The following CHCHD6 variants were observed in gnomAD, a reference collection of about 807,000 sequenced individuals.
CHCHD6 encodes MICOS complex subunit MIC25.
CHCHD6 carries 28 observed loss-of-function variants against 32.3 expected under a neutral mutation model. The ratio of observed to expected loss-of-function variants is 0.87; its 90% CI spans 0.64 to 1.19. CHCHD6 has a LOEUF of 1.19. Ranked by LOEUF, CHCHD6 falls within the 50% of genes most tolerant of loss-of-function variation. The pLI is 0.00. For synonymous variants in CHCHD6, 122 were observed against 117.5 expected (o/e 1.04, Z -0.25); for missense variants, 333 against 307.0 (o/e 1.08, Z -0.63).
At chr3:126,851,944 T>A (rs1435918491) in intron 4 of CHCHD6, among the ~76,000 whole-genome samples, 1 of 152,220 alleles carries the variant, frequency 6.6e-6, no homozygotes, top group Non-Finnish European at 1.5e-5. Flanking sequence ...CAGCCTCAGG[T>A]TGCTTGCCCT....
At chr3:126,789,425 T>G (rs1324310981) in intron 4 of CHCHD6, among the ~76,000 whole-genome samples, 1 of 152,190 alleles carries the variant, frequency 6.6e-6, no homozygotes, top group Non-Finnish European at 1.5e-5. Flanking sequence ...AGTGGGGTGT[T>G]AAAGTCTCCC....
At chr3:126,797,880 G>A (rs1438235726) in intron 4 of CHCHD6, among the ~76,000 whole-genome samples, 1 of 152,122 alleles carries the variant, frequency 6.6e-6, no homozygotes, top group South Asian at 2.1e-4. Flanking sequence ...TGAAAAGGAA[G>A]AAGAAGAGTA....
At chr3:126,956,263 C>T (rs553226492) in intron 6 of CHCHD6, among the ~76,000 whole-genome samples, 1 of 152,262 alleles carries the variant, frequency 6.6e-6, no homozygotes, top group East Asian at 1.9e-4. Flanking sequence ...TGCCCTCAGC[C>T]GTGAGTGGTG....
chr3:126,861,929 C>T (rs1311786651), intron 5 of CHCHD6, among the ~76,000 whole-genome samples: 4 of 87,220 alleles, frequency 4.6e-5, no homozygotes, highest in African/African-American at 1.8e-4. Flanking sequence ...CCCTTCACTA[C>T]CAGCACCACC....
intron 4 of CHCHD6, among the ~76,000 whole-genome samples, chr3:126,788,310 G>T (rs1463461789): frequency 6.6e-6 from 1 of 152,134 alleles, no homozygotes; most frequent in African/African-American, 2.4e-5. Flanking sequence ...TCTCTGCCAG[G>T]CTTTGGTATC....
At chr3:126,915,449 G>A (rs1214463786) in intron 6 of CHCHD6, among the ~76,000 whole-genome samples, 1 of 152,206 alleles carries the variant, frequency 6.6e-6, no homozygotes, top group Non-Finnish European at 1.5e-5. Context: ...ATTCTTGTGG[G>A]AAGGAATTGG....
intron 5 of CHCHD6, among the ~76,000 whole-genome samples, chr3:126,856,353 T>C (rs1941667290): frequency 6.6e-6 from 1 of 152,170 alleles, no homozygotes; most frequent in Non-Finnish European, 1.5e-5. Flanking sequence ...TCCTTGTAGA[T>C]AAGGAATGGA....
At chr3:126,831,271 C>T (rs1307832842) in intron 4 of CHCHD6, among the ~76,000 whole-genome samples, 1 of 152,066 alleles carries the variant, frequency 6.6e-6, no homozygotes, top group Non-Finnish European at 1.5e-5. Flanking sequence ...TTGATCCGCC[C>T]ACCTCGGCCT....
chr3:126,827,201 C>G (rs1342246870), intron 4 of CHCHD6, among the ~76,000 whole-genome samples: 1 of 152,172 alleles, frequency 6.6e-6, no homozygotes, highest in Non-Finnish European at 1.5e-5. Flanking sequence ...ACCTTATTCT[C>G]TGGGCATTGT....
rs1037555918 is a variant in CHCHD6, at chr3:126,864,224, TATC to T, written c.495+11501_495+11503del. On this transcript the variant is annotated intron_variant, in intron 5 of 7. Transcript: ENST00000290913. ...TCACCACCTCCTCATCCTCCACCAT[TATC>T]ATCATCTCCTCCTCCTCCACCATCA... 1.3e-4 allele frequency among the ~76,000 whole-genome samples: 9 copies of T among 67,678 alleles called. 1 individual carries two copies. Among genetic ancestry groups the T allele is most frequent in the Admixed American group, 9.6e-4 (7 of 7,280 alleles). 44.4% of individuals were successfully genotyped at this position (67,678 alleles called of 152,430 possible).
At chr3:126,903,141 A>G (rs1443256726) in intron 5 of CHCHD6, among the ~76,000 whole-genome samples, 2 of 152,206 alleles carry the variant, frequency 1.3e-5, no homozygotes, top group African/African-American at 4.8e-5. Flanking sequence ...CATCTCCAAC[A>G]CTAAGAAACG....
At chr3:126,712,823 C>T (rs757526612) in intron 1 of CHCHD6, among the ~76,000 whole-genome samples, 16 of 152,336 alleles carry the variant, frequency 1.1e-4, no homozygotes, top group East Asian at 1.9e-4. Flanking sequence ...CCAGCACCCC[C>T]GTGCATGTCC....
At chr3:126,874,972 C>T (rs2077521490) in intron 5 of CHCHD6, among the ~76,000 whole-genome samples, 1 of 152,202 alleles carries the variant, frequency 6.6e-6, no homozygotes, top group South Asian at 2.1e-4. Context: ...TCAGGTATCT[C>T]TGTGTACTTC....
intron 6 of CHCHD6, chr3:126,953,108 T>G (rs2078738310): frequency 1.0e-6 from 1 of 985,376 alleles, no homozygotes; most frequent in South Asian, 4.7e-5. Flanking sequence ...TCAACAGCTC[T>G]GTGGGGTGGG....
Position 126,960,269 on chromosome 3 carries a change from A to AC in CHCHD6, c.*69dup, listed in dbSNP as rs1288851265. ...TGAAGAAGGGACCAATCATGGGACC[A>AC]CAGCCACTGTGCCCTGCCGTTTCCT... is the stretch of plus-strand genomic sequence containing the variant. On this transcript the variant is annotated 3_prime_UTR_variant, in exon 8 of 8. Coordinates refer to ENST00000290913, the MANE Select transcript of CHCHD6 (RefSeq NM_032343.3). 1.0e-5 allele frequency: 16 copies of AC among 1,539,562 alleles called. No homozygotes were observed. In the East Asian group the frequency reaches 3.9e-4, roughly 38 times the overall value.
intron 4 of CHCHD6, among the ~76,000 whole-genome samples, chr3:126,734,236 A>C (rs1409399688): frequency 1.3e-5 from 2 of 152,176 alleles, no homozygotes; most frequent in Non-Finnish European, 2.9e-5. Context: ...TAGTCACATT[A>C]GGGAGGTTGC....
chr3:126,929,240 G>A (rs2078367970), intron 6 of CHCHD6, among the ~76,000 whole-genome samples: 1 of 152,106 alleles, frequency 6.6e-6, no homozygotes, highest in African/African-American at 2.4e-5. Context: ...TTTTAGAATT[G>A]GGCTCTGGGG....
At chr3:126,719,988 C>G (rs771045493) in intron 1 of CHCHD6, among the ~76,000 whole-genome samples, 2 of 152,110 alleles carry the variant, frequency 1.3e-5, no homozygotes, top group Non-Finnish European at 1.5e-5. Flanking sequence ...TCAAATGATT[C>G]TCCTGCCTCA....
intron 5 of CHCHD6, among the ~76,000 whole-genome samples, chr3:126,913,504 A>G (rs2107589714): frequency 6.6e-6 from 1 of 152,124 alleles, no homozygotes; most frequent in East Asian, 1.9e-4. Flanking sequence ...CAAAGTGCCC[A>G]TGTGAGGCTT....
Sources: gnomAD v4.1 joint callset for allele counts (sites outside exome capture counted in the v4.1 genomes callset) on GRCh38, gnomAD v4.1.1 for gene constraint, MANE v1.5 for transcripts, NCBI Gene and HGNC (gene_info 2026-07-23, HGNC 2026-07-21) for gene names.